Variants in FLT3 observed in about 807,000 individuals in gnomAD.
The protein encoded by FLT3 is fms related receptor tyrosine kinase 3, also known as receptor-type tyrosine-protein kinase FLT3.
In FLT3, 46 loss-of-function variants were observed where a neutral mutation model predicts 126.6. The ratio of observed to expected loss-of-function variants is 0.36; its 90% CI spans 0.29 to 0.46. The LOEUF is 0.46. Ranked by LOEUF, FLT3 falls within the 20% of genes least tolerant of loss-of-function variation. The pLI, the probability that FLT3 is intolerant of heterozygous loss-of-function variation, is 1.00. For missense variants in FLT3, 1,069 were observed against 1,190.3 expected (o/e 0.90, Z 1.50); for synonymous variants, 404 against 434.4 (o/e 0.93, Z 0.87).
At chr13:28,043,623 A>G (rs919708771) in intron 9 of FLT3, among the ~76,000 whole-genome samples, 1 of 152,236 alleles carries the variant, frequency 6.6e-6, no homozygotes, top group Admixed American at 6.5e-5. Context: ...TCTAGGTGGT[A>G]GGTAAAGAAT....
At chr13:28,045,541 G>T (rs1283609150) in intron 9 of FLT3, among the ~76,000 whole-genome samples, 1 of 152,054 alleles carries the variant, frequency 6.6e-6, no homozygotes, top group African/African-American at 2.4e-5. Flanking sequence ...GTAAAGAGGG[G>T]CTGACTCTCC....
At chr13:28,086,772 G>C (rs565828652) in intron 1 of FLT3, among the ~76,000 whole-genome samples, 1 of 151,610 alleles carries the variant, frequency 6.6e-6, no homozygotes, top group Non-Finnish European at 1.5e-5. Flanking sequence ...TCAGCCTCCC[G>C]AGTAGCTGGA....
chr13:28,060,752 G>T lies in FLT3; in HGVS notation c.368+1115C>A, dbSNP rs9581968. On this transcript the variant is annotated intron_variant, in intron 3 of 23. Coordinates refer to ENST00000241453, the MANE Select transcript of FLT3 (RefSeq NM_004119.3). ...CCCAAGTAGCTGTGATTACAGGCCC[G>T]CACCACTATGCCAGGCTAATTTTTT... Among the ~76,000 whole-genome samples the T allele has an allele frequency of 9.9e-5, 15 of 151,670 alleles. No individual in the cohort carries two copies. In the East Asian group the frequency reaches 2.8e-3, roughly 28 times the overall value.
intron 11 of FLT3, 131 bp from the exon 12 acceptor site, chr13:28,035,804 G>C: frequency 8.2e-7 from 1 of 1,213,474 alleles, no homozygotes; most frequent in South Asian, 1.4e-5. Context: ...ACTATTGAGA[G>C]TTATGGTTGA....
chr13:28,088,325 T>C (rs1479321885), intron 1 of FLT3, among the ~76,000 whole-genome samples: 4 of 152,134 alleles, frequency 2.6e-5, no homozygotes, highest in Non-Finnish European at 4.4e-5. Flanking sequence ...TCTCACTCTG[T>C]TGCCCAGGCT....
At chr13:28,069,317 G>T (rs1449745466) in intron 2 of FLT3, among the ~76,000 whole-genome samples, 1 of 152,152 alleles carries the variant, frequency 6.6e-6, no homozygotes, top group East Asian at 1.9e-4. Flanking sequence ...ACAACACTTG[G>T]TAACTGACCA....
intron 23 of FLT3, among the ~76,000 whole-genome samples, chr13:28,007,366 C>A (rs1355635119): frequency 6.6e-6 from 1 of 152,108 alleles, no homozygotes; most frequent in Non-Finnish European, 1.5e-5. Flanking sequence ...CTTGTCTCAG[C>A]CTCCTGAGTA....
At chr13:28,052,063 C>G (rs1340236010) in intron 5 of FLT3, among the ~76,000 whole-genome samples, 1 of 151,574 alleles carries the variant, frequency 6.6e-6, no homozygotes, top group East Asian at 1.9e-4. Flanking sequence ...ATTGGCCATT[C>G]TGTATTACTT....
intron 9 of FLT3, among the ~76,000 whole-genome samples, chr13:28,045,699 A>C (rs1193174270): frequency 6.6e-6 from 1 of 152,080 alleles, no homozygotes; most frequent in Non-Finnish European, 1.5e-5. Flanking sequence ...GTCTCTATTA[A>C]AAATACAAAA....
At position 28,036,000 on chromosome 13, in the gene FLT3, G is replaced by A; in HGVS notation, c.1353C>T (p.Ser451=). ...GTAATGGGTATCCATCCGAGAAACA[G>A]GACGCCTGACTTGCCGATGCTTCTG... ...VLAEASASQA[S]CFSDGYPLPS... is the part of the protein sequence containing the mutation. Residue 451 remains serine, a synonymous_variant, in exon 11 of 24, where the codon TCC becomes TCT. Transcript: ENST00000241453. 1.9e-6 allele frequency: 3 copies of A among 1,614,134 alleles called. No homozygotes were observed. Among genetic ancestry groups the A allele is most frequent in the Non-Finnish European group, 2.5e-6 (3 of 1,180,032 alleles).
intron 9 of FLT3, among the ~76,000 whole-genome samples, chr13:28,046,984 T>A (rs1874942142): frequency 6.6e-6 from 1 of 152,072 alleles, no homozygotes; most frequent in Non-Finnish European, 1.5e-5. Flanking sequence ...TTAGAGTACA[T>A]CTCAATTTGG....
At chr13:28,006,607 G>C (rs1870919995) in intron 23 of FLT3, among the ~76,000 whole-genome samples, 1 of 151,862 alleles carries the variant, frequency 6.6e-6, no homozygotes, top group Non-Finnish European at 1.5e-5. Flanking sequence ...TCTTCATCCA[G>C]TCTCACTGTC....
At position 28,052,545 on chromosome 13, in the gene FLT3, C is replaced by T; in HGVS notation, c.614G>A (p.Ser205Asn). The T allele has an allele frequency of 6.2e-7, 1 of 1,612,348 alleles. No individual in the cohort carries two copies. The highest frequency in any genetic ancestry group is 8.5e-7 in the Non-Finnish European group (1 of 1,179,090). ...AGCAGCTACCATGGATGTGTCATACCTTTCCCCCTGTGAATCGCAAAGCAC... is the reference window on the plus strand; with the variant it reads ...AGCAGCTACCATGGATGTGTCATACTTTTCCCCCTGTGAATCGCAAAGCAC... ...EWVLCDSQGE[S>N]CKEESPAVVK... Residue 205 changes from serine to asparagine, a missense_variant and splice_region_variant, in exon 5 of 24, where the codon AGC becomes AAC. Physicochemically the swap from Ser to Asn is conservative, Grantham distance 46. Transcript: ENST00000241453.
rs538815007 is a variant in FLT3, at chr13:28,086,624, G to GTGTGTA, written c.43+13843_43+13844insTACACA. ...TTCCTTCTGTCTGAAGAACTCGTGT[G>GTGTGTA]TGTGTGTGTGTGTGTGTGTGTGTGT... On this transcript the variant is annotated intron_variant, in intron 1 of 23. Transcript: ENST00000241453. Among the ~76,000 whole-genome samples, 961 of 115,262 alleles carry GTGTGTA rather than the reference G, an allele frequency of 8.3e-3. 3 individuals are homozygous for GTGTGTA. Among genetic ancestry groups the GTGTGTA allele is most frequent in the Middle Eastern group, 0.016 (4 of 256 alleles). The allele number at this position is 115,262 out of a possible 152,430, so 75.6% of individuals were successfully genotyped here.
intron 23 of FLT3, among the ~76,000 whole-genome samples, chr13:28,011,256 G>A (rs1284324699): frequency 1.3e-5 from 2 of 149,428 alleles, no homozygotes; most frequent in Non-Finnish European, 3.0e-5. Context: ...GTTGCAGTGA[G>A]CTGAGATCAT....
At chr13:28,033,823 T>C in intron 15 of FLT3, 64 bp downstream of exon 15, 1 of 1,166,744 alleles carries the variant, frequency 8.6e-7, no homozygotes, top group African/African-American at 1.5e-5. Context: ...GAAGAAGGCA[T>C]GGGTGGGAAA....
At chr13:28,057,554 C>A in intron 3 of FLT3, 92 bp from the exon 4 acceptor site, 1 of 696,884 alleles carries the variant, frequency 1.4e-6, no homozygotes, top group African/African-American at 1.8e-5. Flanking sequence ...TTTGGTACTC[C>A]AGCGTTCCCC....
chr13:28,021,577 G>C (rs1057144716), intron 19 of FLT3, among the ~76,000 whole-genome samples: 1 of 152,016 alleles, frequency 6.6e-6, no homozygotes, highest in Non-Finnish European at 1.5e-5. Context: ...TTTAAAACTT[G>C]TATTATTATT....
chr13:28,075,594 G>A (rs9581977), intron 1 of FLT3, among the ~76,000 whole-genome samples: 23,870 of 151,448 alleles, frequency 0.16, 2,028 homozygotes, highest in Middle Eastern at 0.24. Context: ...GTGAAGTGGC[G>A]CATGCCTGTA....
Sources: gnomAD v4.1 joint callset for allele counts (sites outside exome capture counted in the v4.1 genomes callset) on GRCh38, gnomAD v4.1.1 for gene constraint, MANE v1.5 for transcripts, NCBI Gene and HGNC (gene_info 2026-07-23, HGNC 2026-07-21) for gene names.